The following DIAPH2 variants were observed in gnomAD, a reference collection of about 807,000 sequenced individuals.
DIAPH2 encodes diaphanous related formin 2, also known as protein diaphanous homolog 2.
Under a neutral mutation model 92.7 loss-of-function variants are expected in DIAPH2, and 35 were observed. The observed-to-expected ratio is 0.38, with a 90% CI of 0.29 to 0.50. The LOEUF is 0.50. Among genes scored for constraint, DIAPH2 ranks in the 20% least tolerant of loss-of-function variants. The pLI is 0.94. For synonymous variants in DIAPH2, 301 were observed against 280.4 expected (o/e 1.07, Z -0.73); for missense variants, 701 against 819.5 (o/e 0.86, Z 1.77).
At chrX:97,124,182 A>T (rs1001511808) in intron 21 of DIAPH2, among the ~76,000 whole-genome samples, 6 of 112,351 alleles carry the variant, frequency 5.3e-5, no homozygotes, top group African/African-American at 1.9e-4. Flanking sequence ...CAGGCATAGG[A>T]ATTAACAAAG....
At chrX:97,108,948 A>G (rs1312444210) in intron 20 of DIAPH2, among the ~76,000 whole-genome samples, 4 of 111,799 alleles carry the variant, frequency 3.6e-5, no homozygotes, top group Admixed American at 1.9e-4. Context: ...AAAGAATGTA[A>G]TAACAACAAG....
At chrX:97,043,632 G>T (rs1183082300) in intron 17 of DIAPH2, among the ~76,000 whole-genome samples, 1 of 110,684 alleles carries the variant, frequency 9.0e-6, no homozygotes, top group Admixed American at 9.6e-5. Context: ...AGTATTTTGA[G>T]GGCCATGCAA....
intron 26 of DIAPH2, among the ~76,000 whole-genome samples, chrX:97,502,187 G>A (rs752516939): frequency 7.2e-5 from 8 of 111,879 alleles, no homozygotes; most frequent in Admixed American, 2.9e-4. Flanking sequence ...TGCTTTCTTC[G>A]CAGCATGAGG....
At chrX:97,480,458 T>C (rs2070642932) in intron 26 of DIAPH2, among the ~76,000 whole-genome samples, 1 of 111,596 alleles carries the variant, frequency 9.0e-6, no homozygotes, top group Non-Finnish European at 1.9e-5. Flanking sequence ...TCATAATTTA[T>C]TATGGCAGAC....
chrX:96,755,195 T>C (rs959030596), intron 3 of DIAPH2, among the ~76,000 whole-genome samples: 5 of 111,354 alleles, frequency 4.5e-5, no homozygotes, highest in Non-Finnish European at 9.4e-5. Context: ...GTCATGTATA[T>C]ATACACAAAA....
At chrX:96,687,186 T>C (rs2063775120) in intron 1 of DIAPH2, among the ~76,000 whole-genome samples, 2 of 111,940 alleles carry the variant, frequency 1.8e-5, no homozygotes, top group South Asian at 7.3e-4. Context: ...TTGATTCCAC[T>C]CTAAGTTACT....
In DIAPH2 at chrX:97,360,206, A is replaced by C. The variant is rs1435369937; in HGVS notation, c.3009+11926A>C. ...CAGGCACAAAAGAGCCAAACTTCAT[A>C]CTGGAGACACTATAGTTTAGAATAG... On this transcript the variant is annotated intron_variant, in intron 24 of 26. Coordinates refer to ENST00000324765, the MANE Select transcript of DIAPH2 (RefSeq NM_006729.5). Among the ~76,000 whole-genome samples the C allele has an allele frequency of 2.7e-5, 3 of 111,858 alleles. No individual in the cohort carries two copies. In the East Asian group the frequency reaches 8.4e-4, roughly 31 times the overall value.
intron 25 of DIAPH2, among the ~76,000 whole-genome samples, chrX:97,403,945 C>G (rs1008184052): frequency 9.1e-5 from 10 of 109,688 alleles, no homozygotes; most frequent in African/African-American, 3.0e-4. Context: ...CTCTGCCTCC[C>G]TGGGTTCAAG....
chrX:97,127,348 A>G (rs1292529757), intron 21 of DIAPH2, among the ~76,000 whole-genome samples: 1 of 112,222 alleles, frequency 8.9e-6, no homozygotes, highest in Admixed American at 9.4e-5. Context: ...TTAAGCAACT[A>G]GCTAGATACA....
At chrX:97,332,177 A>T (rs904227111) in intron 23 of DIAPH2, among the ~76,000 whole-genome samples, 2 of 111,942 alleles carry the variant, frequency 1.8e-5, no homozygotes, top group Non-Finnish European at 3.8e-5. Context: ...TTTTATCAAG[A>T]TGTTAGTGCT....
chrX:97,101,520 G>C (rs944687870), intron 20 of DIAPH2, among the ~76,000 whole-genome samples: 4 of 110,771 alleles, frequency 3.6e-5, no homozygotes, highest in Non-Finnish European at 5.7e-5. Context: ...GTCTGGGGGT[G>C]GGGGGCGGAA....
chrX:96,731,649 A>G (rs185876715), intron 1 of DIAPH2, among the ~76,000 whole-genome samples: 1 of 111,841 alleles, frequency 8.9e-6, no homozygotes, highest in East Asian at 2.8e-4. Flanking sequence ...TTGCATTGCA[A>G]TCACAACTTC....
intron 24 of DIAPH2, among the ~76,000 whole-genome samples, chrX:97,353,406 T>G (rs2069236978): frequency 9.0e-6 from 1 of 111,394 alleles, no homozygotes; most frequent in African/African-American, 3.2e-5. Flanking sequence ...TTCTATAACT[T>G]TCACAGCTCC....
At chrX:96,950,150 A>C (rs1218187970) in intron 15 of DIAPH2, among the ~76,000 whole-genome samples, 1 of 110,453 alleles carries the variant, frequency 9.1e-6, no homozygotes, top group Non-Finnish European at 1.9e-5. Flanking sequence ...TTGAGAACTT[A>C]GTTTCTCCTT....
At chrX:97,144,591 A>C (rs1283336937) in intron 22 of DIAPH2, among the ~76,000 whole-genome samples, 1 of 90,114 alleles carries the variant, frequency 1.1e-5, no homozygotes, top group African/African-American at 4.0e-5. Context: ...ACTTAAGAAT[A>C]TATAGATATT....
intron 26 of DIAPH2, among the ~76,000 whole-genome samples, chrX:97,525,840 T>C (rs898448365): frequency 8.9e-6 from 1 of 112,198 alleles, no homozygotes; most frequent in African/African-American, 3.2e-5. Context: ...TTGATACTGA[T>C]GACACAGGGA....
intron 4 of DIAPH2, among the ~76,000 whole-genome samples, chrX:96,844,723 G>A (rs1048941454): frequency 2.5e-4 from 28 of 111,510 alleles, no homozygotes; most frequent in African/African-American, 9.1e-4. Flanking sequence ...ACCTGAATGA[G>A]TCTAGAAAAT....
Position 97,062,139 on chromosome X carries a change from G to A in DIAPH2, c.2051-10802G>A, listed in dbSNP as rs999754044. 3.6e-5 allele frequency among the ~76,000 whole-genome samples: 4 copies of A among 111,239 alleles called. No individual in the cohort carries two copies. The South Asian group carries it at 1.5e-3, about 42-fold the overall frequency. ...GTTTGTAATTGATTTAAAAATTAACGGAGTGTACCTTGAGGATCCTTTGTT... is the reference window on the plus strand; with the variant it reads ...GTTTGTAATTGATTTAAAAATTAACAGAGTGTACCTTGAGGATCCTTTGTT... On this transcript the variant is annotated intron_variant, in intron 17 of 26. Coordinates refer to ENST00000324765, the MANE Select transcript of DIAPH2 (RefSeq NM_006729.5).
chrX:96,961,996 A>T (rs1437833495), intron 16 of DIAPH2, among the ~76,000 whole-genome samples: 1 of 108,546 alleles, frequency 9.2e-6, no homozygotes, highest in Non-Finnish European at 1.9e-5. Context: ...TTTATTCTGC[A>T]GCTGTTGGAT....
Sources: gnomAD v4.1 joint callset for allele counts (sites outside exome capture counted in the v4.1 genomes callset) on GRCh38, gnomAD v4.1.1 for gene constraint, MANE v1.5 for transcripts, NCBI Gene and HGNC (gene_info 2026-07-23, HGNC 2026-07-21) for gene names.